Variants in PTPRD observed in about 807,000 individuals in gnomAD.
The protein encoded by PTPRD is protein tyrosine phosphatase receptor type D, also known as receptor-type tyrosine-protein phosphatase delta.
A neutral mutation model predicts 214.5 loss-of-function variants in PTPRD; 34 were observed. The ratio of observed to expected loss-of-function variants is 0.16; its 90% CI spans 0.12 to 0.21. The LOEUF is 0.21. PTPRD is among the 10% of genes least tolerant of loss of function. The pLI, the probability that PTPRD is intolerant of heterozygous loss-of-function variation, is 1.00. For synonymous variants in PTPRD, 1,128 were observed against 845.7 expected (o/e 1.33, Z -5.79); for missense variants, 2,545 against 2,398.7 (o/e 1.06, Z -1.27).
intron 10 of PTPRD, among the ~76,000 whole-genome samples, chr9:9,051,017 G>C (rs2099684174): frequency 6.6e-6 from 1 of 152,074 alleles, no homozygotes; most frequent in African/African-American, 2.4e-5. Context: ...TAATTTGTGA[G>C]CATTACTTTT....
intron 37 of PTPRD, among the ~76,000 whole-genome samples, chr9:8,388,221 C>T (rs910881710): frequency 3.9e-5 from 6 of 152,132 alleles, no homozygotes; most frequent in Admixed American, 6.6e-5. Flanking sequence ...CATATACACG[C>T]CCAGGCTTAG....
chr9:10,486,012 T>A lies in PTPRD; in HGVS notation c.-600+126386A>T, dbSNP rs55812614. Among the ~76,000 whole-genome samples, 300 of 141,140 alleles carry A rather than the reference T, an allele frequency of 2.1e-3. 2 individuals are homozygous for A. The highest frequency in any genetic ancestry group is 7.4e-3 in the African/African-American group (287 of 38,542). 92.6% of individuals were successfully genotyped at this position (141,140 alleles called of 152,430 possible). On this transcript the variant is annotated intron_variant, in intron 2 of 45. Coordinates refer to ENST00000381196, the MANE Select transcript of PTPRD (RefSeq NM_002839.4). ...TTTCGAGGAGTGTCTGTTCACATCTTTTTCCCACTTTTTGATGTTTTTTTT... is the reference window on the plus strand; with the variant it reads ...TTTCGAGGAGTGTCTGTTCACATCTATTTCCCACTTTTTGATGTTTTTTTT...
intron 11 of PTPRD, among the ~76,000 whole-genome samples, chr9:8,805,106 C>T (rs2096649426): frequency 6.6e-6 from 1 of 152,126 alleles, no homozygotes; most frequent in Non-Finnish European, 1.5e-5. Context: ...AGAACCTATA[C>T]CTCACAGATA....
intron 44 of PTPRD, among the ~76,000 whole-genome samples, chr9:8,327,128 C>T (rs576678198): frequency 6.6e-6 from 1 of 150,628 alleles, no homozygotes; most frequent in South Asian, 2.2e-4. Context: ...GTTAGGGTGT[C>T]GATTTTAGAT....
intron 3 of PTPRD, among the ~76,000 whole-genome samples, chr9:10,203,168 T>G (rs1393286337): frequency 6.8e-6 from 1 of 146,326 alleles, no homozygotes; most frequent in Non-Finnish European, 1.5e-5. Flanking sequence ...TCCCTCTCTC[T>G]CTTTTTTTTT....
chr9:10,580,042 A>G (rs777980104), intron 2 of PTPRD, among the ~76,000 whole-genome samples: 1 of 152,208 alleles, frequency 6.6e-6, no homozygotes, highest in Non-Finnish European at 1.5e-5. Flanking sequence ...AAACCTGAAC[A>G]TTAGAGGGTT....
At chr9:10,129,902 T>C (rs2098846803) in intron 3 of PTPRD, among the ~76,000 whole-genome samples, 1 of 151,832 alleles carries the variant, frequency 6.6e-6, no homozygotes, top group East Asian at 1.9e-4. Context: ...AGAATAAAAA[T>C]GGTAGTTTGG....
At chr9:10,582,086 C>T (rs2072087373) in intron 2 of PTPRD, among the ~76,000 whole-genome samples, 1 of 152,138 alleles carries the variant, frequency 6.6e-6, no homozygotes, top group East Asian at 1.9e-4. Context: ...TCAGGTGCTT[C>T]TTGGCAGTCC....
At chr9:8,787,346 A>G (rs914340783) in intron 11 of PTPRD, among the ~76,000 whole-genome samples, 3 of 152,102 alleles carry the variant, frequency 2.0e-5, no homozygotes, top group African/African-American at 7.2e-5. Flanking sequence ...GAGGATTATT[A>G]TTTCTCTAAT....
At chr9:9,571,091 A>C (rs1426948327) in intron 8 of PTPRD, among the ~76,000 whole-genome samples, 1 of 151,492 alleles carries the variant, frequency 6.6e-6, no homozygotes, top group Non-Finnish European at 1.5e-5. Flanking sequence ...CTAAGAACGT[A>C]TTTAAATGAA....
intron 10 of PTPRD, among the ~76,000 whole-genome samples, chr9:9,081,977 C>T (rs1283200222): frequency 6.6e-6 from 1 of 151,750 alleles, no homozygotes; most frequent in Admixed American, 6.6e-5. Flanking sequence ...TAATAGACTA[C>T]CAACCAAAAA....
chr9:9,829,339 C>G (rs187521899), intron 5 of PTPRD, among the ~76,000 whole-genome samples: 2 of 151,770 alleles, frequency 1.3e-5, no homozygotes, highest in East Asian at 3.9e-4. Context: ...ATAAATATAT[C>G]AAATAAAACA....
At chr9:8,857,217 G>A (rs56721979) in intron 11 of PTPRD, among the ~76,000 whole-genome samples, 11,081 of 152,062 alleles carry the variant, frequency 0.073, 427 homozygotes, top group Non-Finnish European at 0.075. Flanking sequence ...CCCCCTCACC[G>A]TAGTCAGCCC....
Position 9,854,219 on chromosome 9 carries a change from A to C in PTPRD, c.-368+84288T>G, listed in dbSNP as rs77513972. Among the ~76,000 whole-genome samples the C allele has an allele frequency of 6.6e-5, 10 of 152,310 alleles. No homozygotes were observed. The East Asian group carries it at 1.9e-3, about 29-fold the overall frequency. ...CTATTTTGTGCAATCTTTTTAAGGT[A>C]CTATGCAGCTTTGAGATGATACAAT... On this transcript the variant is annotated intron_variant, in intron 5 of 45. Transcript: ENST00000381196.
intron 4 of PTPRD, among the ~76,000 whole-genome samples, chr9:9,999,195 C>T (rs1201579075): frequency 6.6e-6 from 1 of 152,138 alleles, no homozygotes; most frequent in Non-Finnish European, 1.5e-5. Flanking sequence ...GGGAAAGGCC[C>T]GACACTGTTC....
chr9:9,926,649 G>A (rs971149207), intron 5 of PTPRD, among the ~76,000 whole-genome samples: 1 of 152,220 alleles, frequency 6.6e-6, no homozygotes, highest in African/African-American at 2.4e-5. Flanking sequence ...AAATATATAT[G>A]ACTTATTGTT....
At chr9:9,082,891 G>A (rs1304273524) in intron 10 of PTPRD, among the ~76,000 whole-genome samples, 1 of 152,094 alleles carries the variant, frequency 6.6e-6, no homozygotes, top group Non-Finnish European at 1.5e-5. Flanking sequence ...ACTGCTCAAG[G>A]AAAACAGAGA....
chr9:9,523,335 C>G (rs1760398519), intron 8 of PTPRD, among the ~76,000 whole-genome samples: 2 of 152,000 alleles, frequency 1.3e-5, no homozygotes, highest in Admixed American at 6.6e-5. Context: ...TGAAAAATCA[C>G]ATTTGCTAAA....
At chr9:8,909,455 A>G (rs2098731734) in intron 11 of PTPRD, among the ~76,000 whole-genome samples, 1 of 152,184 alleles carries the variant, frequency 6.6e-6, no homozygotes, top group African/African-American at 2.4e-5. Context: ...AATTTTCTAT[A>G]TTCAATTAAT....
Sources: allele counts gnomAD v4.1 joint callset (sites outside exome capture counted in the v4.1 genomes callset), GRCh38; gene constraint gnomAD v4.1.1; transcripts MANE v1.5; gene names NCBI Gene and HGNC (gene_info 2026-07-23, HGNC 2026-07-21).